The following MCPH1 variants were observed in gnomAD, a reference collection of about 807,000 sequenced individuals.
MCPH1 encodes the protein microcephalin.
In MCPH1, 104 loss-of-function variants were observed where a neutral mutation model predicts 84.5. That is an observed-to-expected ratio of 1.23 (90% CI 1.05 to 1.45). The LOEUF (loss-of-function observed/expected upper bound fraction) is 1.45, where lower values mean the gene tolerates loss of function less well. MCPH1 is among the 40% of genes most tolerant of loss of function. The pLI, the probability that MCPH1 is intolerant of heterozygous loss-of-function variation, is 0.00. For missense variants in MCPH1, 1,498 were observed against 1,005.7 expected (o/e 1.49, Z -6.62); for synonymous variants, 514 against 366.8 (o/e 1.40, Z -4.58).
At chr8:6,633,451 C>G (rs1797310651) in intron 13 of MCPH1, among the ~76,000 whole-genome samples, 1 of 152,150 alleles carries the variant, frequency 6.6e-6, no homozygotes, top group South Asian at 2.1e-4. Context: ...CCATGTAATA[C>G]AGGTTGAACA....
chr8:6,414,183 T>C (rs1798922731), intron 2 of MCPH1, among the ~76,000 whole-genome samples: 1 of 152,230 alleles, frequency 6.6e-6, no homozygotes. Flanking sequence ...AATTTTTGTA[T>C]TTTTAGTAGA....
chr8:6,601,520 G>A (rs1395244743), intron 12 of MCPH1, among the ~76,000 whole-genome samples: 1 of 78,330 alleles, frequency 1.3e-5, no homozygotes, highest in Non-Finnish European at 2.7e-5. Flanking sequence ...TCCATCATAT[G>A]GGACACACAC....
intron 8 of MCPH1, 97 bp from the exon 9 acceptor site, chr8:6,455,046 C>G (rs1805523489): frequency 1.1e-6 from 1 of 901,386 alleles, no homozygotes; most frequent in Non-Finnish European, 1.9e-6. Context: ...CCTATAACTT[C>G]CTGTTTCCAT....
chr8:6,418,272 C>T (rs554992726), intron 3 of MCPH1, among the ~76,000 whole-genome samples: 3 of 152,218 alleles, frequency 2.0e-5, no homozygotes, highest in African/African-American at 7.2e-5. Context: ...CTGTGGCTGC[C>T]TTTAGGGGAC....
intron 11 of MCPH1, among the ~76,000 whole-genome samples, chr8:6,487,417 T>C (rs1379308210): frequency 6.6e-6 from 1 of 152,212 alleles, no homozygotes; most frequent in Non-Finnish European, 1.5e-5. Flanking sequence ...ATTAAAGAAA[T>C]GCTGAGCCGC....
chr8:6,419,127 A>G (rs975521893), intron 3 of MCPH1, among the ~76,000 whole-genome samples: 11 of 50,754 alleles, frequency 2.2e-4, no homozygotes, highest in Non-Finnish European at 3.3e-4. Context: ...TTATATACAC[A>G]TACACACACA....
chr8:6,530,812 C>A (rs1410023389), intron 12 of MCPH1, among the ~76,000 whole-genome samples: 2 of 152,174 alleles, frequency 1.3e-5, no homozygotes, highest in Non-Finnish European at 2.9e-5. Flanking sequence ...CCTCATCCAA[C>A]CATTTTTAGG....
intron 12 of MCPH1, among the ~76,000 whole-genome samples, chr8:6,569,220 A>G (rs1826465907): frequency 6.6e-6 from 1 of 152,222 alleles, no homozygotes; most frequent in South Asian, 2.1e-4. Flanking sequence ...CACAACTGGC[A>G]CAACACCTGC....
chr8:6,477,760 C>CT (rs1238283477), intron 10 of MCPH1, 129 bp downstream of exon 10: 1 of 770,326 alleles, frequency 1.3e-6, no homozygotes, highest in Non-Finnish European at 2.3e-6. Flanking sequence ...AAATTAATAT[C>CT]TGAGTTAGAA....
At chr8:6,516,299 A>G (rs935912192) in intron 12 of MCPH1, among the ~76,000 whole-genome samples, 1 of 152,218 alleles carries the variant, frequency 6.6e-6, no homozygotes, top group Non-Finnish European at 1.5e-5. Context: ...TATATTATCT[A>G]TAATCTCACA....
At chr8:6,532,076 T>A (rs934735099) in intron 12 of MCPH1, among the ~76,000 whole-genome samples, 1 of 152,172 alleles carries the variant, frequency 6.6e-6, no homozygotes, top group Non-Finnish European at 1.5e-5. Flanking sequence ...TTGGGATGCG[T>A]GGCATGAAAA....
intron 9 of MCPH1, among the ~76,000 whole-genome samples, chr8:6,455,921 A>C (rs1805622734): frequency 6.6e-6 from 1 of 152,190 alleles, no homozygotes; most frequent in Non-Finnish European, 1.5e-5. Flanking sequence ...TACCGATTGA[A>C]AAGCAACAGA....
Position 6,436,313 on chromosome 8 carries a change from G to A in MCPH1, c.436+151G>A. On this transcript the variant is annotated intron_variant, in intron 5 of 13. Transcript: ENST00000344683. ...GGAGAAAACAAAATGTCAGGAGCCT[G>A]CGGGAGACTTGGCTGGGAGCCATAA... The A allele has an allele frequency of 5.8e-6, 5 of 866,208 alleles. No homozygotes were observed. In the South Asian group the frequency reaches 9.1e-5, roughly 16 times the overall value. The allele number at this position is 866,208 out of a possible 1,614,324, so 53.7% of individuals were successfully genotyped here.
At chr8:6,467,242 C>G (rs1807095163) in intron 9 of MCPH1, among the ~76,000 whole-genome samples, 1 of 152,178 alleles carries the variant, frequency 6.6e-6, no homozygotes, top group African/African-American at 2.4e-5. Flanking sequence ...ACTGTCAAAC[C>G]AGTGACTGGA....
At chr8:6,518,001 T>G (rs911737811) in intron 12 of MCPH1, among the ~76,000 whole-genome samples, 4 of 152,194 alleles carry the variant, frequency 2.6e-5, no homozygotes, top group African/African-American at 9.6e-5. Context: ...TCCTAATGTT[T>G]CCAACCATGA....
chr8:6,588,012 G>A (rs1586723421), intron 12 of MCPH1, among the ~76,000 whole-genome samples: 2 of 152,206 alleles, frequency 1.3e-5, no homozygotes, highest in Non-Finnish European at 2.9e-5. Context: ...TAAGCTGTCT[G>A]AAGTCAGCTT....
chr8:6,555,028 C>T (rs1824342258), intron 12 of MCPH1, among the ~76,000 whole-genome samples: 1 of 152,084 alleles, frequency 6.6e-6, no homozygotes, highest in South Asian at 2.1e-4. Context: ...AGTTCCTTCC[C>T]CTTTTTTTTA....
chr8:6,475,890 TAGAG>T (rs969012646), intron 9 of MCPH1, among the ~76,000 whole-genome samples: 1 of 152,038 alleles, frequency 6.6e-6, no homozygotes, highest in Non-Finnish European at 1.5e-5. Context: ...GACTGTCTCT[TAGAG>T]AGGCCGTCAC....
intron 3 of MCPH1, among the ~76,000 whole-genome samples, chr8:6,428,797 A>G (rs1294620144): frequency 2.0e-5 from 3 of 152,260 alleles, no homozygotes; most frequent in East Asian, 3.8e-4. Flanking sequence ...AAGGCTTATC[A>G]TGAAAAACAA....
Sources: allele counts gnomAD v4.1 joint callset (sites outside exome capture counted in the v4.1 genomes callset), GRCh38; gene constraint gnomAD v4.1.1; transcripts MANE v1.5; gene names NCBI Gene and HGNC (gene_info 2026-07-23, HGNC 2026-07-21).